Variants in BUD13 observed in about 807,000 individuals in gnomAD.
BUD13 encodes the protein BUD13 homolog.
BUD13 carries 47 observed loss-of-function variants against 62.5 expected under a neutral mutation model. The observed-to-expected ratio is 0.75, with a 90% CI of 0.60 to 0.96. The LOEUF is 0.96. BUD13 is among the 40% of genes least tolerant of loss of function. The probability of loss-of-function intolerance (pLI) is 0.00; values close to 1 mark genes in which losing one functional copy is unlikely to be tolerated. For synonymous variants in BUD13, 293 were observed against 280.1 expected, an observed-to-expected ratio of 1.05 and a Z score of -0.46; for missense variants, 821 against 790.9, an observed-to-expected ratio of 1.04 and a Z score of -0.46.
intron 2 of BUD13, 65 bp downstream of exon 2, chr11:116,770,056 CAAAAAAAA>C (rs34855544): frequency 2.3e-6 from 2 of 855,230 alleles, no homozygotes; most frequent in African/African-American, 2.4e-5. Flanking sequence ...GACTCCGTCT[CAAAAAAAA>C]AAAAAAAAAG....
At chr11:116,763,837 G>C (rs1565314778) in intron 3 of BUD13, among the ~76,000 whole-genome samples, 1 of 152,158 alleles carries the variant, frequency 6.6e-6, no homozygotes, top group Non-Finnish European at 1.5e-5. Context: ...CCATTTCACT[G>C]TGCTCTTTCT....
chr11:116,757,884 C>T lies in BUD13; in HGVS notation c.1566G>A (p.Leu522=), dbSNP rs755225862. 6.2e-7 allele frequency: 1 copy of T among 1,614,170 alleles called. No individual in the cohort carries two copies. The highest frequency in any genetic ancestry group is 1.7e-5 in the Admixed American group (1 of 60,012). Reference sequence around the variant, plus strand: ...GATCTTCGTCATCAATATAGCGGGCCAGAGGCTTTTGCATCTCTTTCATTG... The same window carrying T: ...GATCTTCGTCATCAATATAGCGGGCTAGAGGCTTTTGCATCTCTTTCATTG... The part of the protein sequence containing the change: ...EDAMKEMQKP[L]ARYIDDEDLD... The change falls in exon 8 of 10, where the codon CTG becomes CTA. Residue 522 remains leucine (L), a synonymous_variant. Coordinates refer to ENST00000260210, the MANE Select transcript of BUD13 (RefSeq NM_032725.4).
Position 116,763,243 on chromosome 11 carries a change from T to C in BUD13, c.346A>G (p.Asn116Asp), listed in dbSNP as rs776613811. The C allele has an allele frequency of 5.2e-6, 8 of 1,543,502 alleles. No homozygotes were observed. In the Admixed American group the frequency reaches 8.0e-5, roughly 16 times the overall value. The part of the protein sequence containing the change: ...LGGHNEDLPS[N>D]RHFRHDTPDS... Reference sequence around the variant, plus strand: ...GGGGTATCGTGACGAAAATGTCTGTTTGAGGGTAGGTCTTCGTTGTGGCCT... The same window carrying C: ...GGGGTATCGTGACGAAAATGTCTGTCTGAGGGTAGGTCTTCGTTGTGGCCT... Residue 116 changes from asparagine (N) to aspartate (D), a missense_variant, in exon 4 of 10, where the codon AAC becomes GAC. Physicochemically the swap from Asn to Asp is conservative, Grantham distance 23. Coordinates refer to ENST00000260210, the MANE Select transcript of BUD13 (RefSeq NM_032725.4).
intron 9 of BUD13, 113 bp downstream of exon 9, chr11:116,757,033 C>A: frequency 1.0e-6 from 1 of 964,896 alleles, no homozygotes; most frequent in Non-Finnish European, 1.6e-6. Flanking sequence ...AAGCAAAGTG[C>A]ATATTTTTCA....
At chr11:116,761,432 G>A (rs1346126409) in intron 4 of BUD13, among the ~76,000 whole-genome samples, 4 of 152,200 alleles carry the variant, frequency 2.6e-5, no homozygotes, top group South Asian at 2.1e-4. Context: ...GTTTTCCTAT[G>A]AAGAATTATC....
At chr11:116,757,691 T>C in intron 8 of BUD13, 75 bp downstream of exon 8, 3 of 1,394,174 alleles carry the variant, frequency 2.2e-6, no homozygotes, top group Non-Finnish European at 2.9e-6. Context: ...CTTCTTTGCA[T>C]ATAGCTATGT....
chr11:116,772,719 C>G (rs1940652938), intron 1 of BUD13, 103 bp downstream of exon 1: 2 of 1,382,410 alleles, frequency 1.4e-6, no homozygotes, highest in Non-Finnish European at 9.4e-7. Flanking sequence ...GCGGAGAAGC[C>G]GAGAGACCCG....
Position 116,748,432 on chromosome 11 carries a change from C to T in BUD13, c.*50G>A. The stretch of plus-strand genomic sequence containing the variant: ...ACAACTGTTACCACTGGATATCTCG[C>T]TGCCTATGCCCACTACCACAGCCCA... On this transcript the variant is annotated 3_prime_UTR_variant, in exon 10 of 10. Coordinates refer to ENST00000260210, the MANE Select transcript of BUD13 (RefSeq NM_032725.4). 6.6e-7 allele frequency: 1 copy of T among 1,520,824 alleles called. No homozygotes were observed. The highest frequency in any genetic ancestry group is 1.4e-5 in the African/African-American group (1 of 73,184). The allele number at this position is 1,520,824 out of a possible 1,614,324, so 94.2% of individuals were successfully genotyped here. A position where few individuals can be genotyped will look rare whatever the true frequency, so the allele number is the denominator to read the frequency against.
chr11:116,766,935 CCTAGCA>C (rs1478015166), intron 2 of BUD13, among the ~76,000 whole-genome samples: 1 of 152,126 alleles, frequency 6.6e-6, no homozygotes, highest in African/African-American at 2.4e-5. Flanking sequence ...TTCCTGTAAT[CCTAGCA>C]CTTTGGGAGG....
At chr11:116,761,243 G>T (rs745475529) in intron 4 of BUD13, among the ~76,000 whole-genome samples, 1 of 151,848 alleles carries the variant, frequency 6.6e-6, no homozygotes, top group Non-Finnish European at 1.5e-5. Flanking sequence ...GTAGAGATGG[G>T]GTTTCGCTAT....
Position 116,763,113 on chromosome 11 carries a change from G to A in BUD13, c.476C>T (p.Thr159Ile), listed in dbSNP as rs1940465949. 2 of 1,578,570 alleles carry A rather than the reference G, an allele frequency of 1.3e-6. No homozygotes were observed. Among genetic ancestry groups the A allele is most frequent in the Non-Finnish European group, 8.7e-7 (1 of 1,154,786 alleles). Residue 159 changes from threonine to isoleucine, a missense_variant, in exon 4 of 10, where the codon ACC (threonine) becomes ATC (isoleucine). Physicochemically the swap from Thr to Ile is moderately conservative, Grantham distance 89. Transcript: ENST00000260210. ...DPSPRRARHD[T>I]PDPSPLRGAR... is the part of the protein sequence containing the mutation. ...CCCTCTGAGGGGAGAAGGATCCGGG[G>A]TGTCATGACGGGCCCTCCTAGGAGA...
intron 4 of BUD13, among the ~76,000 whole-genome samples, chr11:116,762,273 G>A (rs1002754392): frequency 6.6e-6 from 1 of 152,154 alleles, no homozygotes; most frequent in Non-Finnish European, 1.5e-5. Context: ...CTGAATGACA[G>A]AATTTTGTGT....
At chr11:116,762,428 C>T in intron 4 of BUD13, 125 bp downstream of exon 4, 1 of 807,266 alleles carries the variant, frequency 1.2e-6, no homozygotes, top group Admixed American at 3.0e-5. Flanking sequence ...CTCCCAAACC[C>T]AGCCTCTCAC....
chr11:116,749,112 C>A (rs547657875), intron 9 of BUD13, among the ~76,000 whole-genome samples: 12 of 152,262 alleles, frequency 7.9e-5, no homozygotes, highest in South Asian at 2.1e-4. Context: ...ACCCTTCCCC[C>A]ACTCTGACAG....
intron 9 of BUD13, among the ~76,000 whole-genome samples, chr11:116,754,143 C>T (rs964716399): frequency 1.8e-4 from 28 of 152,188 alleles, no homozygotes; most frequent in Non-Finnish European, 3.5e-4. Flanking sequence ...CCTCCCTGGG[C>T]TCAGTGATCC....
In BUD13 at chr11:116,748,459, C is replaced by T. The variant is rs1253282742; in HGVS notation, c.*23G>A. 6.2e-7 allele frequency: 1 copy of T among 1,609,450 alleles called. No homozygotes were observed. The highest frequency in any genetic ancestry group is 1.3e-5 in the African/African-American group (1 of 74,976). On this transcript the variant is annotated 3_prime_UTR_variant, in exon 10 of 10. Coordinates refer to ENST00000260210, the MANE Select transcript of BUD13 (RefSeq NM_032725.4). ...GCCTATGCCCACTACCACAGCCCAG[C>T]CACCCCCACAGCCTCAGGAAAGTTA...
chr11:116,760,652 T>C (rs1214072961), intron 5 of BUD13, 83 bp downstream of exon 5: 15 of 1,434,496 alleles, frequency 1.0e-5, no homozygotes, highest in Non-Finnish European at 1.5e-5. Flanking sequence ...ATCCTTCTTC[T>C]TGGCTTGATT....
intron 8 of BUD13, 101 bp from the exon 9 acceptor site, chr11:116,757,328 C>T: frequency 1.9e-6 from 2 of 1,048,782 alleles, no homozygotes; most frequent in East Asian, 2.6e-5. Flanking sequence ...TAGAGTCTCA[C>T]TCTGTTGCCC....
At chr11:116,753,529 G>A (rs578108933) in intron 9 of BUD13, among the ~76,000 whole-genome samples, 1 of 152,268 alleles carries the variant, frequency 6.6e-6, no homozygotes, top group South Asian at 2.1e-4. Flanking sequence ...CAGTGTAACA[G>A]AACTCAAAGT....
Sources: allele counts gnomAD v4.1 joint callset (sites outside exome capture counted in the v4.1 genomes callset), GRCh38; gene constraint gnomAD v4.1.1; transcripts MANE v1.5; gene names NCBI Gene and HGNC (gene_info 2026-07-23, HGNC 2026-07-21).